The following ABCA13 variants were observed in gnomAD, a reference collection of about 807,000 sequenced individuals.
The protein encoded by ABCA13 is ATP binding cassette subfamily A member 13, also known as ATP-binding cassette sub-family A member 13.
In ABCA13, 476 loss-of-function variants were observed where a neutral mutation model predicts 478.7. The observed-to-expected ratio is 0.99, with a 90% CI of 0.92 to 1.07. ABCA13 has a LOEUF of 1.07. Among genes scored for constraint, ABCA13 ranks in the 50% least tolerant of loss-of-function variants. ABCA13 has a pLI of 0.00. For missense variants in ABCA13, 6,060 were observed against 5,910.6 expected, an observed-to-expected ratio of 1.03 and a Z score of -0.83; for synonymous variants, 2,252 against 2,158.9, an observed-to-expected ratio of 1.04 and a Z score of -1.20.
At chr7:48,186,254 CTT>C (rs1447747233) in intron 1 of ABCA13, among the ~76,000 whole-genome samples, 1 of 151,214 alleles carries the variant, frequency 6.6e-6, no homozygotes, top group African/African-American at 2.4e-5. Flanking sequence ...TGTTGGATAA[CTT>C]GGTTTCTGAT....
chr7:48,331,929 C>T (rs1805469800), intron 27 of ABCA13, among the ~76,000 whole-genome samples: 1 of 152,180 alleles, frequency 6.6e-6, no homozygotes, highest in Non-Finnish European at 1.5e-5. Flanking sequence ...CCCTGCCAGC[C>T]ACCAATCAGG....
chr7:48,419,182 C>T (rs73101572), intron 41 of ABCA13, among the ~76,000 whole-genome samples: 57,778 of 151,888 alleles, frequency 0.38, 11,617 homozygotes, highest in African/African-American at 0.51. Flanking sequence ...CACCTCCCAC[C>T]AGGCCCTACC....
intron 55 of ABCA13, among the ~76,000 whole-genome samples, chr7:48,566,281 A>G (rs1454173694): frequency 6.6e-6 from 1 of 152,158 alleles, no homozygotes; most frequent in South Asian, 2.1e-4. Context: ...AGCATGCATC[A>G]TGATAAAAGC....
At chr7:48,181,191 G>T (rs1316035010) in intron 1 of ABCA13, among the ~76,000 whole-genome samples, 2 of 151,974 alleles carry the variant, frequency 1.3e-5, no homozygotes, top group African/African-American at 4.8e-5. Context: ...GGGCTTATTT[G>T]GTTTTCTATT....
chr7:48,297,199 G>C, intron 21 of ABCA13, 33 bp from the exon 22 acceptor site: 2 of 1,532,368 alleles, frequency 1.3e-6, no homozygotes, highest in Non-Finnish European at 1.8e-6. Flanking sequence ...GTTTTAGCTT[G>C]CCTAATTTAG....
chr7:48,519,944 C>A, intron 52 of ABCA13, 97 bp from the exon 53 acceptor site: 1 of 1,275,110 alleles, frequency 7.8e-7, no homozygotes, highest in Non-Finnish European at 1.0e-6. Flanking sequence ...AGACCTGGAA[C>A]ACAGAGCTAA....
At chr7:48,334,337 A>AT (rs57409709) in intron 27 of ABCA13, among the ~76,000 whole-genome samples, 18,907 of 138,764 alleles carry the variant, frequency 0.14, 1,407 homozygotes, top group East Asian at 0.32. Flanking sequence ...CTCTATCCCT[A>AT]TTTTTTTTTT....
intron 38 of ABCA13, among the ~76,000 whole-genome samples, chr7:48,393,883 C>T (rs1357240819): frequency 6.6e-6 from 1 of 152,222 alleles, no homozygotes; most frequent in South Asian, 2.1e-4. Context: ...GTCACCCCTG[C>T]ATCATGCCTC....
chr7:48,488,886 A>G (rs913908618), intron 47 of ABCA13, among the ~76,000 whole-genome samples: 1 of 152,146 alleles, frequency 6.6e-6, no homozygotes, highest in African/African-American at 2.4e-5. Context: ...TCTTCCACAC[A>G]TTTAATTTGC....
Position 48,403,728 on chromosome 7 carries a change from C to T in ABCA13, c.11919C>T (p.Thr3973=), listed in dbSNP as rs1817908474. The part of the protein sequence containing the change: ...VDLTQHQHKQ[T]RALSGGLKRK... ...TAACTCAGCATCAGCACAAACAGAC[C>T]CGAGCTCTGTCTGGAGGCCTGAAGA... The change falls in exon 39 of 62, where the codon ACC becomes ACT. Residue 3973 remains threonine (T), a synonymous_variant. Transcript: ENST00000435803. 2 of 1,613,908 alleles carry T rather than the reference C, an allele frequency of 1.2e-6. No individual in the cohort carries two copies. The highest frequency in any genetic ancestry group is 1.7e-6 in the Non-Finnish European group (2 of 1,179,864).
chr7:48,415,076 A>G (rs1819794236), intron 41 of ABCA13, among the ~76,000 whole-genome samples: 1 of 152,230 alleles, frequency 6.6e-6, no homozygotes, highest in African/African-American at 2.4e-5. Flanking sequence ...GTCAGAATGC[A>G]GGTTTACAGA....
intron 45 of ABCA13, among the ~76,000 whole-genome samples, chr7:48,480,176 C>G (rs1828610225): frequency 6.6e-6 from 1 of 152,128 alleles, no homozygotes. Context: ...TGCTTCCTTA[C>G]CCCTCCTTCT....
chr7:48,638,024 A>C (rs1794821674), intron 59 of ABCA13, among the ~76,000 whole-genome samples: 1 of 152,212 alleles, frequency 6.6e-6, no homozygotes. Context: ...AAGGGCTTTC[A>C]CAGCCAGAAT....
At chr7:48,460,629 T>G (rs1826145043) in intron 43 of ABCA13, among the ~76,000 whole-genome samples, 1 of 152,232 alleles carries the variant, frequency 6.6e-6, no homozygotes, top group East Asian at 1.9e-4. Flanking sequence ...TGAGTGGGCA[T>G]GAAATTTGGA....
chr7:48,468,717 C>T (rs1827155157), intron 44 of ABCA13, among the ~76,000 whole-genome samples: 1 of 152,148 alleles, frequency 6.6e-6, no homozygotes. Flanking sequence ...TGATAATTAA[C>T]TAGAGGAAAC....
In ABCA13 at chr7:48,279,420, C is replaced by T; in HGVS notation, c.8226C>T (p.Thr2742=). The T allele has an allele frequency of 6.2e-7, 1 of 1,603,492 alleles. No homozygotes were observed. Reference sequence around the variant, plus strand: ...TCTTGAAAATGGTGATCTGTCTCACCTTAGAAGCTCTTTGGAAAAACTTAA... The same window carrying T: ...TCTTGAAAATGGTGATCTGTCTCACTTTAGAAGCTCTTTGGAAAAACTTAA... The part of the protein sequence containing the change: ...GSFLKMVICL[T]LEALWKNLKK... Residue 2742 remains threonine, a synonymous_variant, in exon 18 of 62, where the codon ACC becomes ACT. Coordinates refer to ENST00000435803, the MANE Select transcript of ABCA13 (RefSeq NM_152701.5).
chr7:48,438,184 C>G (rs556967820), intron 42 of ABCA13, among the ~76,000 whole-genome samples: 2 of 152,106 alleles, frequency 1.3e-5, no homozygotes, highest in African/African-American at 4.8e-5. Flanking sequence ...GCACTTTGCT[C>G]TTTCTGCCCT....
At chr7:48,372,098 C>T (rs1812717258) in intron 32 of ABCA13, 70 bp from the exon 33 acceptor site, 28 of 1,423,140 alleles carry the variant, frequency 2.0e-5, no homozygotes, top group Non-Finnish European at 2.6e-5. Context: ...CTTCTTTCTC[C>T]TACCATCTGA....
chr7:48,460,660 A>G (rs571610506), intron 43 of ABCA13, among the ~76,000 whole-genome samples: 25 of 152,294 alleles, frequency 1.6e-4, no homozygotes, highest in South Asian at 1.5e-3. Context: ...TCAACCCACA[A>G]CATTTCCTAC....
Sources: gnomAD v4.1 joint callset for allele counts (sites outside exome capture counted in the v4.1 genomes callset) on GRCh38, gnomAD v4.1.1 for gene constraint, MANE v1.5 for transcripts, NCBI Gene and HGNC (gene_info 2026-07-23, HGNC 2026-07-21) for gene names.